SPRED2: variants seen among roughly 807,000 people sequenced by gnomAD.
SPRED2 encodes the protein sprouty related EVH1 domain containing 2.
Under a neutral mutation model 43.0 loss-of-function variants are expected in SPRED2, and 47 were observed. The observed-to-expected ratio is 1.09, with a 90% confidence interval of 0.87 to 1.40. The LOEUF is 1.40. Ranked by LOEUF, SPRED2 falls within the 40% of genes most tolerant of loss-of-function variation. The pLI, the probability that SPRED2 is intolerant of heterozygous loss-of-function variation, is 0.00. For missense variants in SPRED2, 561 were observed against 586.4 expected (o/e 0.96, Z 0.45); for synonymous variants, 225 against 225.7 (o/e 1.00, Z 0.03).
Position 65,314,167 on chromosome 2 carries a change from C to A in SPRED2, c.591G>T (p.Pro197=), listed in dbSNP as rs368165802. 9.4e-6 allele frequency: 15 copies of A among 1,588,178 alleles called. No individual in the cohort carries two copies. The highest frequency in any genetic ancestry group is 1.3e-5 in the African/African-American group (1 of 74,386). ...YPTDHYHLDQ[P]MPRPYRQVSF... is the part of the protein sequence containing the mutation. ...TCACCTGGCGGTAGGGCCTTGGCAT[C>A]GGCTGTCCCGTAGGAGAGGAGACAT... The change falls in exon 6 of 6, where the codon CCG becomes CCT. Residue 197 remains proline, a splice_region_variant and synonymous_variant. Coordinates refer to ENST00000356388, the MANE Select transcript of SPRED2 (RefSeq NM_181784.3).
intron 1 of SPRED2, among the ~76,000 whole-genome samples, chr2:65,351,669 TTA>T (rs1674514441): frequency 6.6e-6 from 1 of 152,244 alleles, no homozygotes; most frequent in Non-Finnish European, 1.5e-5. Context: ...TTTCATCGAA[TTA>T]TATGTTTAAA....
downstream of SPRED2, among the ~76,000 whole-genome samples, chr2:65,307,490 C>T (rs1417425447): frequency 2.0e-5 from 3 of 149,812 alleles, no homozygotes; most frequent in Non-Finnish European, 4.4e-5. Flanking sequence ...GCCACTCCAC[C>T]TGGCCTGTAT....
intron 1 of SPRED2, among the ~76,000 whole-genome samples, chr2:65,365,772 C>T (rs1435652929): frequency 1.3e-5 from 2 of 152,188 alleles, no homozygotes; most frequent in Non-Finnish European, 2.9e-5. Flanking sequence ...ACTGAATAGA[C>T]TGTCAACACA....
chr2:65,420,446 C>G (rs1411707311), intron 1 of SPRED2, among the ~76,000 whole-genome samples: 1 of 152,188 alleles, frequency 6.6e-6, no homozygotes, highest in African/African-American at 2.4e-5. Context: ...AAGTAGAAAG[C>G]CCTATTCCAA....
chr2:65,354,420 C>T (rs1470463253), intron 1 of SPRED2, among the ~76,000 whole-genome samples: 2 of 152,150 alleles, frequency 1.3e-5, no homozygotes, highest in African/African-American at 2.4e-5. Flanking sequence ...ACATTAGACT[C>T]ACTGCATTGT....
chr2:65,387,328 C>G (rs371258913), intron 1 of SPRED2, among the ~76,000 whole-genome samples: 1 of 152,208 alleles, frequency 6.6e-6, no homozygotes, highest in African/African-American at 2.4e-5. Flanking sequence ...TCTAGTGATG[C>G]CCACCACACA....
At chr2:65,401,144 T>A (rs1376564544) in intron 1 of SPRED2, among the ~76,000 whole-genome samples, 2 of 151,912 alleles carry the variant, frequency 1.3e-5, no homozygotes, top group Admixed American at 1.3e-4. Context: ...TTTTTTTTTT[T>A]TTTTATTTCT....
At position 65,313,425 on chromosome 2, in the gene SPRED2, G is replaced by A. The variant is rs558909222; in HGVS notation, c.*76C>T. ...CTCGCTCCTTGGAGTGGAAGGGAGC[G>A]GGGGAGAAGATGAGAGTATGTAAGA... On this transcript the variant is annotated 3_prime_UTR_variant, in exon 6 of 6. Coordinates refer to ENST00000356388, the MANE Select transcript of SPRED2 (RefSeq NM_181784.3). 17 of 1,525,412 alleles carry A rather than the reference G, an allele frequency of 1.1e-5. No individual in the cohort carries two copies. Among genetic ancestry groups the A allele is most frequent in the Admixed American group, 6.2e-5 (3 of 48,024 alleles). 94.5% of individuals were successfully genotyped at this position (1,525,412 alleles called of 1,614,324 possible).
In SPRED2 at chr2:65,432,426, A is replaced by C. The variant is rs1487334572; in HGVS notation, c.-439T>G. 1.2e-5 allele frequency: 2 copies of C among 162,344 alleles called. No homozygotes were observed. Among genetic ancestry groups the C allele is most frequent in the African/African-American group, 4.9e-5 (2 of 41,190 alleles). 10.1% of individuals were successfully genotyped at this position (162,344 alleles called of 1,614,324 possible). On this transcript the variant is annotated 5_prime_UTR_variant, in exon 1 of 6. Transcript: ENST00000356388. ...GGCCGGGCCAATCACGGTTCCGGGG[A>C]GCGGTCGGCGGCCGGGGGAGGTGCG...
chr2:65,322,293 TA>T (rs66589141), intron 4 of SPRED2, among the ~76,000 whole-genome samples: 4,301 of 68,624 alleles, frequency 0.063, 367 homozygotes, highest in East Asian at 0.2. Flanking sequence ...TATATATATA[TA>T]TTTTTTTTTT....
At chr2:65,350,857 C>T (rs1572861194) in intron 1 of SPRED2, among the ~76,000 whole-genome samples, 1 of 152,228 alleles carries the variant, frequency 6.6e-6, no homozygotes, top group African/African-American at 2.4e-5. Flanking sequence ...AGCACTGGGT[C>T]TCACAAAGAA....
At chr2:65,398,768 TG>T (rs1292978418) in intron 1 of SPRED2, among the ~76,000 whole-genome samples, 7 of 152,184 alleles carry the variant, frequency 4.6e-5, no homozygotes, top group Non-Finnish European at 8.8e-5. Context: ...ACACTGTTGG[TG>T]GGAATGTAAA....
chr2:65,337,960 A>G (rs548186866), intron 2 of SPRED2, among the ~76,000 whole-genome samples: 2 of 152,350 alleles, frequency 1.3e-5, no homozygotes, highest in Middle Eastern at 3.4e-3. Flanking sequence ...TAAGAAATGT[A>G]GTTTTTTTAT....
At chr2:65,366,122 G>A (rs1031753426) in intron 1 of SPRED2, among the ~76,000 whole-genome samples, 3 of 152,156 alleles carry the variant, frequency 2.0e-5, no homozygotes, top group East Asian at 1.9e-4. Flanking sequence ...CATGGGGGTA[G>A]GAAAAAAGCA....
intron 1 of SPRED2, among the ~76,000 whole-genome samples, chr2:65,383,994 C>T (rs774122345): frequency 3.9e-5 from 6 of 152,180 alleles, no homozygotes; most frequent in African/African-American, 1.2e-4. Flanking sequence ...CAGAGATTTC[C>T]GGGTCTTTCT....
intron 3 of SPRED2, chr2:65,334,164 C>G: frequency 2.1e-6 from 1 of 471,178 alleles, no homozygotes; most frequent in South Asian, 1.5e-5. Context: ...TCACAGATCC[C>G]TTTCCTTTTC....
At chr2:65,387,855 T>A (rs962163702) in intron 1 of SPRED2, among the ~76,000 whole-genome samples, 1 of 151,918 alleles carries the variant, frequency 6.6e-6, no homozygotes, top group Non-Finnish European at 1.5e-5. Context: ...TGCAGTGGCA[T>A]GATCTCAGTT....
At chr2:65,431,697 C>A (rs1558696959) in intron 1 of SPRED2, among the ~76,000 whole-genome samples, 1 of 152,114 alleles carries the variant, frequency 6.6e-6, no homozygotes. Context: ...GAGCGGAGAC[C>A]GCCGGGAGGT....
chr2:65,352,937 A>T (rs11693719), intron 1 of SPRED2, among the ~76,000 whole-genome samples: 7,834 of 152,252 alleles, frequency 0.051, 300 homozygotes, highest in Middle Eastern at 0.15. Flanking sequence ...TTTGATTTTT[A>T]AAAATATGTT....
Sources: gnomAD v4.1 joint callset for allele counts (sites outside exome capture counted in the v4.1 genomes callset) on GRCh38, gnomAD v4.1.1 for gene constraint, MANE v1.5 for transcripts, NCBI Gene and HGNC (gene_info 2026-07-23, HGNC 2026-07-21) for gene names.